Variants in SGCZ observed in about 807,000 individuals in gnomAD.
The protein encoded by SGCZ is sarcoglycan zeta.
In SGCZ, 40 loss-of-function variants were observed where a neutral mutation model predicts 41.3. The observed-to-expected ratio is 0.97, with a 90% confidence interval of 0.75 to 1.26. The LOEUF is 1.26. Among genes scored for constraint, SGCZ ranks in the 50% most tolerant of loss-of-function variants. The pLI, the probability that SGCZ is intolerant of heterozygous loss-of-function variation, is 0.00. For missense variants in SGCZ, 552 were observed against 369.8 expected (o/e 1.49, Z -4.04); for synonymous variants, 206 against 137.5 (o/e 1.50, Z -3.49).
chr8:15,216,840 T>C (rs1801419269), intron 1 of SGCZ, among the ~76,000 whole-genome samples: 1 of 152,098 alleles, frequency 6.6e-6, no homozygotes, highest in African/African-American at 2.4e-5. Context: ...AATAAAACTC[T>C]TCACTTCTTG....
intron 4 of SGCZ, among the ~76,000 whole-genome samples, chr8:14,182,146 A>T (rs1804748836): frequency 6.6e-6 from 1 of 152,136 alleles, no homozygotes; most frequent in African/African-American, 2.4e-5. Context: ...TACTCTACTC[A>T]GGGACTCTGA....
At chr8:15,180,004 C>A (rs1292041331) in intron 1 of SGCZ, among the ~76,000 whole-genome samples, 1 of 152,060 alleles carries the variant, frequency 6.6e-6, no homozygotes, top group African/African-American at 2.4e-5. Flanking sequence ...AGTAGGCTGA[C>A]TATTATATGC....
chr8:14,960,026 C>G (rs952452682), intron 1 of SGCZ, among the ~76,000 whole-genome samples: 1 of 152,074 alleles, frequency 6.6e-6, no homozygotes, highest in Non-Finnish European at 1.5e-5. Context: ...TACTTTGCTG[C>G]CAAATCTTTC....
intron 1 of SGCZ, among the ~76,000 whole-genome samples, chr8:14,792,678 T>C (rs1272258163): frequency 6.6e-6 from 1 of 152,164 alleles, no homozygotes; most frequent in Non-Finnish European, 1.5e-5. Flanking sequence ...TAACTCATCG[T>C]TTAGCATTAG....
At chr8:14,632,329 T>C (rs1262894950) in intron 1 of SGCZ, among the ~76,000 whole-genome samples, 1 of 152,066 alleles carries the variant, frequency 6.6e-6, no homozygotes, top group Non-Finnish European at 1.5e-5. Context: ...AGACAGTGCT[T>C]ACATTATAAT....
intron 2 of SGCZ, among the ~76,000 whole-genome samples, chr8:14,552,867 G>C (rs906003022): frequency 5.9e-5 from 9 of 151,942 alleles, no homozygotes; most frequent in African/African-American, 1.9e-4. Context: ...AAATTCCTGG[G>C]GTTTAGTCAT....
intron 1 of SGCZ, among the ~76,000 whole-genome samples, chr8:14,948,382 A>G (rs547036282): frequency 2.6e-5 from 4 of 152,198 alleles, no homozygotes; most frequent in South Asian, 2.1e-4. Flanking sequence ...CACTCATACC[A>G]CTAAGAAGGA....
intron 1 of SGCZ, among the ~76,000 whole-genome samples, chr8:14,687,118 A>G (rs1808634525): frequency 6.7e-6 from 1 of 150,272 alleles, no homozygotes; most frequent in African/African-American, 2.4e-5. Flanking sequence ...TAATTATGAA[A>G]CCTTAACAAC....
In SGCZ at chr8:15,126,127, C is replaced by A. The variant is rs184702583; in HGVS notation, c.39+111458G>T. On this transcript the variant is annotated intron_variant, in intron 1 of 7. Coordinates refer to ENST00000382080, the MANE Select transcript of SGCZ (RefSeq NM_139167.4). ...TGTCATCGCATTCCAGCCTGGGCAACAGAGGGAGACGCCATCTCAAAAAAG... is the reference window on the plus strand; with the variant it reads ...TGTCATCGCATTCCAGCCTGGGCAAAAGAGGGAGACGCCATCTCAAAAAAG... Among the ~76,000 whole-genome samples the A allele has an allele frequency of 2.6e-3, 393 of 152,250 alleles. 2 individuals are homozygous for A. Among genetic ancestry groups the A allele is most frequent in the African/African-American group, 9.1e-3 (378 of 41,550 alleles).
At chr8:15,012,417 C>A (rs1802855898) in intron 1 of SGCZ, among the ~76,000 whole-genome samples, 1 of 149,644 alleles carries the variant, frequency 6.7e-6, no homozygotes, top group Admixed American at 6.8e-5. Context: ...GAGCTATGAT[C>A]ACCTCACTGC....
intron 1 of SGCZ, among the ~76,000 whole-genome samples, chr8:14,835,722 G>C (rs1458522004): frequency 6.6e-6 from 1 of 152,188 alleles, no homozygotes; most frequent in Non-Finnish European, 1.5e-5. Flanking sequence ...GAAGCACAGT[G>C]ACTCTTGGTA....
intron 6 of SGCZ, among the ~76,000 whole-genome samples, chr8:14,106,273 A>C (rs1802200113): frequency 6.6e-6 from 1 of 152,218 alleles, no homozygotes; most frequent in African/African-American, 2.4e-5. Flanking sequence ...AGATACAATA[A>C]ATATTTTCAC....
chr8:14,862,812 T>C lies in SGCZ; in HGVS notation c.40-307886A>G, dbSNP rs185476701. Reference sequence around the variant, plus strand: ...GCAGAGAGAAACCTGCTTTCCCCTCTAGACACAGTCACTAGTCACTATAGC... The same window carrying C: ...GCAGAGAGAAACCTGCTTTCCCCTCCAGACACAGTCACTAGTCACTATAGC... On this transcript the variant is annotated intron_variant, in intron 1 of 7. Transcript: ENST00000382080. Among the ~76,000 whole-genome samples, 22 of 151,936 alleles carry C rather than the reference T, an allele frequency of 1.4e-4. No homozygotes were observed. The East Asian group carries it at 4.3e-3, about 30-fold the overall frequency.
intron 1 of SGCZ, among the ~76,000 whole-genome samples, chr8:14,691,574 G>A (rs1458123476): frequency 6.6e-6 from 1 of 151,580 alleles, no homozygotes; most frequent in South Asian, 2.1e-4. Context: ...CTCTTGGAAA[G>A]GTTCAGCTAA....
intron 2 of SGCZ, among the ~76,000 whole-genome samples, chr8:14,350,494 G>A (rs1056322590): frequency 1.3e-5 from 2 of 152,070 alleles, no homozygotes; most frequent in African/African-American, 2.4e-5. Context: ...GTGATTCTCT[G>A]CTAAATCCCT....
At chr8:14,639,172 G>A (rs1028363552) in intron 1 of SGCZ, among the ~76,000 whole-genome samples, 1 of 150,808 alleles carries the variant, frequency 6.6e-6, no homozygotes, top group African/African-American at 2.4e-5. Context: ...CAGAAAAAGT[G>A]GAATCAACTT....
chr8:14,418,724 G>T (rs1041503324), intron 2 of SGCZ, among the ~76,000 whole-genome samples: 2 of 151,666 alleles, frequency 1.3e-5, no homozygotes, highest in African/African-American at 4.8e-5. Flanking sequence ...ATAAAATATT[G>T]GTCTACAAAG....
chr8:14,149,717 T>C (rs978441311), intron 5 of SGCZ, among the ~76,000 whole-genome samples: 1 of 149,478 alleles, frequency 6.7e-6, no homozygotes, highest in East Asian at 1.9e-4. Context: ...CCAGGATAGC[T>C]AAAGTTATCC....
At chr8:15,013,848 T>C (rs890677312) in intron 1 of SGCZ, among the ~76,000 whole-genome samples, 10 of 152,184 alleles carry the variant, frequency 6.6e-5, no homozygotes, top group East Asian at 5.8e-4. Context: ...ACGAGGCATG[T>C]TTGTGGGAAG....
Sources: allele counts gnomAD v4.1 joint callset (sites outside exome capture counted in the v4.1 genomes callset), GRCh38; gene constraint gnomAD v4.1.1; transcripts MANE v1.5; gene names NCBI Gene and HGNC (gene_info 2026-07-23, HGNC 2026-07-21).